Variants in MRTFB observed in about 807,000 individuals in gnomAD.
MRTFB encodes myocardin-related transcription factor B.
In MRTFB, 29 loss-of-function variants were observed where a neutral mutation model predicts 104.2. The observed-to-expected ratio is 0.28, with a 90% confidence interval of 0.21 to 0.38. MRTFB has a LOEUF of 0.38. Among genes scored for constraint, MRTFB ranks in the 10% least tolerant of loss-of-function variants. MRTFB has a pLI of 1.00. For synonymous variants in MRTFB, 535 were observed against 519.5 expected (o/e 1.03, Z -0.41); for missense variants, 1,270 against 1,341.6 (o/e 0.95, Z 0.83).
At chr16:14,035,659 G>C in the MRTFB span, among the ~76,000 whole-genome samples, 12 of 152,070 alleles carry the variant, frequency 7.9e-5, no homozygotes, top group African/African-American at 2.7e-4. Flanking sequence ...CTGAGGCTCT[G>C]TCATGATTTG....
intron 3 of MRTFB, chr16:14,144,176 A>T (rs1052310939): frequency 1.3e-5 from 2 of 152,238 alleles, no homozygotes; most frequent in African/African-American, 4.8e-5. Flanking sequence ...TTTCTTCAAG[A>T]GTCCTTTTTT....
At chr16:14,240,782 C>T in intron 10 of MRTFB, 1 of 761,674 alleles carries the variant, frequency 1.3e-6, no homozygotes. Flanking sequence ...ACTAGATGCT[C>T]TGAGAAAAGC....
intron 2 of MRTFB, among the ~76,000 whole-genome samples, chr16:14,100,998 A>G (rs1266352691): frequency 2.0e-5 from 3 of 151,932 alleles, no homozygotes; most frequent in Non-Finnish European, 4.4e-5. Flanking sequence ...ACCTTCTCAA[A>G]GAACCAGCTT....
intron 8 of MRTFB, among the ~76,000 whole-genome samples, chr16:14,224,455 T>G (rs2041906738): frequency 6.6e-6 from 1 of 152,222 alleles, no homozygotes; most frequent in South Asian, 2.1e-4. Flanking sequence ...CATTATAATC[T>G]TCTTATGTGC....
the MRTFB span, among the ~76,000 whole-genome samples, chr16:14,015,596 G>A: frequency 1.3e-5 from 2 of 152,110 alleles, no homozygotes; most frequent in Non-Finnish European, 2.9e-5. Context: ...AGGAAGTCTC[G>A]CTATCATTCA....
chr16:14,117,581 A>G (rs955441978), intron 2 of MRTFB, among the ~76,000 whole-genome samples: 11 of 152,250 alleles, frequency 7.2e-5, no homozygotes, highest in African/African-American at 2.7e-4. Context: ...CTCCTGGCAC[A>G]ATAACTGGCA....
At chr16:14,199,817 A>T (rs1204621992) in intron 3 of MRTFB, among the ~76,000 whole-genome samples, 2 of 152,246 alleles carry the variant, frequency 1.3e-5, no homozygotes, top group East Asian at 3.8e-4. Flanking sequence ...TTTGAAAACC[A>T]CGGTAAATAT....
At chr16:14,090,234 TA>T (rs879283269) in intron 2 of MRTFB, among the ~76,000 whole-genome samples, 2 of 152,210 alleles carry the variant, frequency 1.3e-5, no homozygotes, top group Non-Finnish European at 2.9e-5. Flanking sequence ...ATCTCCCATT[TA>T]AAAAATTTGT....
chr16:14,223,230 A>G (rs1448100988), intron 8 of MRTFB, among the ~76,000 whole-genome samples: 1 of 152,090 alleles, frequency 6.6e-6, no homozygotes, highest in African/African-American at 2.4e-5. Flanking sequence ...GGATCACCTG[A>G]GACAAGGGAG....
intron 1 of MRTFB, among the ~76,000 whole-genome samples, chr16:14,077,681 G>A (rs2034144724): frequency 6.6e-6 from 1 of 152,012 alleles, no homozygotes; most frequent in Non-Finnish European, 1.5e-5. Flanking sequence ...TCTGTAAAAG[G>A]AGCAATAGTG....
the MRTFB span, among the ~76,000 whole-genome samples, chr16:14,037,778 G>A: frequency 2.0e-5 from 3 of 152,182 alleles, no homozygotes; most frequent in Non-Finnish European, 4.4e-5. Flanking sequence ...CATCATGAAC[G>A]AGGAACAAGG....
At chr16:14,213,679 TC>T in intron 6 of MRTFB, 59 bp downstream of exon 6, 1 of 1,251,160 alleles carries the variant, frequency 8.0e-7, no homozygotes. Flanking sequence ...AGTGAGAATT[TC>T]CACCATTTCT....
chr16:14,054,644 T>C, the MRTFB span, among the ~76,000 whole-genome samples: 2 of 152,334 alleles, frequency 1.3e-5, no homozygotes, highest in East Asian at 3.9e-4. Flanking sequence ...TTGTACTTTG[T>C]TTTGGTCTAT....
chr16:14,084,227 A>G (rs1466560469), intron 2 of MRTFB, among the ~76,000 whole-genome samples: 2 of 152,150 alleles, frequency 1.3e-5, no homozygotes, highest in African/African-American at 4.8e-5. Context: ...TTTTTTATTC[A>G]CTTATAGTGC....
rs954681226 is a variant in MRTFB, at chr16:14,240,956, A to G, written c.1079+472A>G. ...AGGGGAATGCTGTGAGCACTAGTAC[A>G]GAGGAAGGAATAGAGTAAGTAGTGC... On this transcript the variant is annotated intron_variant, in intron 10 of 16. Transcript: ENST00000571589. The G allele has an allele frequency of 8.6e-6, 5 of 583,826 alleles. No homozygotes were observed. In the African/African-American group the frequency reaches 9.4e-5, roughly 11 times the overall value. 36.2% of individuals were successfully genotyped at this position (583,826 alleles called of 1,614,324 possible).
At chr16:14,058,204 A>G in the MRTFB span, among the ~76,000 whole-genome samples, 1 of 152,166 alleles carries the variant, frequency 6.6e-6, no homozygotes, top group Non-Finnish European at 1.5e-5. Context: ...GAACCATCAT[A>G]AGACAATGAA....
chr16:14,233,771 G>A (rs1452584060), intron 8 of MRTFB, among the ~76,000 whole-genome samples: 4 of 120,632 alleles, frequency 3.3e-5, no homozygotes, highest in Admixed American at 1.0e-4. Context: ...GCCTGAGTGA[G>A]ACTCCCTCTC....
intron 8 of MRTFB, among the ~76,000 whole-genome samples, chr16:14,219,912 G>C (rs2041608411): frequency 6.6e-6 from 1 of 152,134 alleles, no homozygotes; most frequent in African/African-American, 2.4e-5. Flanking sequence ...ATCTAGTACA[G>C]GGCTTGGAAC....
At chr16:14,114,150 G>T (rs1455480263) in intron 2 of MRTFB, among the ~76,000 whole-genome samples, 1 of 152,138 alleles carries the variant, frequency 6.6e-6, no homozygotes, top group East Asian at 1.9e-4. Context: ...CTTTAATGTT[G>T]CCAATGTCTT....
Sources: gnomAD v4.1 joint callset for allele counts (sites outside exome capture counted in the v4.1 genomes callset) on GRCh38, gnomAD v4.1.1 for gene constraint, MANE v1.5 for transcripts, NCBI Gene and HGNC (gene_info 2026-07-23, HGNC 2026-07-21) for gene names.